FUBP1: variants seen among roughly 807,000 people sequenced by gnomAD.
The protein encoded by FUBP1 is far upstream element-binding protein 1.
A neutral mutation model predicts 94.9 loss-of-function variants in FUBP1; 16 were observed. The ratio of observed to expected loss-of-function variants is 0.17; its 90% CI spans 0.11 to 0.26. FUBP1 has a LOEUF of 0.26. Among genes scored for constraint, FUBP1 ranks in the 10% least tolerant of loss-of-function variants. The pLI, the probability that FUBP1 is intolerant of heterozygous loss-of-function variation, is 1.00. For missense variants in FUBP1, 583 were observed against 808.6 expected (o/e 0.72, Z 3.38); for synonymous variants, 279 against 254.9 (o/e 1.09, Z -0.90).
At chr1:77,978,830 G>T in intron 1 of FUBP1, 55 bp downstream of exon 1, 1 of 1,608,102 alleles carries the variant, frequency 6.2e-7, no homozygotes. Flanking sequence ...GGCCTACTCA[G>T]TCAGCGGCCA....
chr1:77,969,009 T>TA, intron 2 of FUBP1: 1 of 1,129,086 alleles, frequency 8.9e-7, no homozygotes, highest in Non-Finnish European at 1.2e-6. Flanking sequence ...AGGTAATAAA[T>TA]AAAAATTCCT....
In FUBP1 at chr1:77,966,970, AAAAATTTTTTTTTTGGTT is replaced by A. The variant is rs1275566897; in HGVS notation, c.344-33_344-16del. 1 of 1,592,636 alleles carries A rather than the reference AAAAATTTTTTTTTTGGTT, an allele frequency of 6.3e-7. No homozygotes were observed. Among genetic ancestry groups the A allele is most frequent in the South Asian group, 1.1e-5 (1 of 88,738 alleles). On this transcript the variant is annotated splice_polypyrimidine_tract_variant and intron_variant, in intron 5 of 19. Coordinates refer to ENST00000370768, the MANE Select transcript of FUBP1 (RefSeq NM_003902.5). ...TCTGCCAATTACTAGTTAGAAAAAA[AAAAATTTTTTTTTTGGTT>A]GAAAGATTCTAAAGTATGTTTTGAT...
At chr1:77,966,563 G>A (rs1403490464) in intron 7 of FUBP1, 131 bp downstream of exon 7, 13 of 640,358 alleles carry the variant, frequency 2.0e-5, no homozygotes, top group Non-Finnish European at 3.7e-5. Context: ...CTTCAAAGGA[G>A]TTGGAGGACT....
In FUBP1 at chr1:77,946,773, C is replaced by G; in HGVS notation, c.*1993G>C. 4.8e-6 allele frequency: 1 copy of G among 206,766 alleles called. No homozygotes were observed. The highest frequency in any genetic ancestry group is 7.4e-5 in the East Asian group (1 of 13,552). 12.8% of individuals were successfully genotyped at this position (206,766 alleles called of 1,614,324 possible). ...TATCATGCAAAATACTGCAATTGTT[C>G]ACGTCAATACCCTACTCTTAAAGAT... is the stretch of plus-strand genomic sequence containing the variant. On this transcript the variant is annotated 3_prime_UTR_variant, in exon 20 of 20. Transcript: ENST00000370768.
At chr1:77,969,762 C>G (rs1008656589) in intron 2 of FUBP1, among the ~76,000 whole-genome samples, 163 bp downstream of exon 2, 1 of 151,300 alleles carries the variant, frequency 6.6e-6, no homozygotes, top group Non-Finnish European at 1.5e-5. Context: ...TTTTACTTAC[C>G]TTGTCTAGTT....
Position 77,949,240 on chromosome 1 carries a change from G to A in FUBP1, c.1841C>T (p.Ala614Val). The change falls in exon 19 of 20, where the codon GCC becomes GTC. Residue 614 changes from alanine to valine, a missense_variant. Physicochemically the swap from Ala to Val is moderately conservative, Grantham distance 64 (BLOSUM62 0). Transcript: ENST00000370768. ...PPGGQPDYSA[A>V]WAEYYRQQAA... ...TTGTTGTCTATAATACTCAGCCCAG[G>A]CTGCACTATAATCTGGCTGACCACC... is the stretch of plus-strand genomic sequence containing the variant. 1 of 1,613,160 alleles carries A rather than the reference G, an allele frequency of 6.2e-7. No individual in the cohort carries two copies. Among genetic ancestry groups the A allele is most frequent in the Non-Finnish European group, 8.5e-7 (1 of 1,179,182 alleles).
At chr1:77,957,008 T>G (rs1487685826) in intron 16 of FUBP1, among the ~76,000 whole-genome samples, 1 of 152,180 alleles carries the variant, frequency 6.6e-6, no homozygotes, top group Non-Finnish European at 1.5e-5. Context: ...AACCATCCTG[T>G]GCCCTTGTTT....
In FUBP1 at chr1:77,977,343, A is replaced by AAAAC. The variant is rs753943335; in HGVS notation, c.120+1538_120+1541dup. ...GCATGGTGAAACCCTGTCTCTACTG[A>AAAAC]AAACAAACAAACAAACAAAAAAAAC... On this transcript the variant is annotated intron_variant, in intron 1 of 19. Transcript: ENST00000370768. Among the ~76,000 whole-genome samples, 15 of 152,034 alleles carry AAAAC rather than the reference A, an allele frequency of 9.9e-5. No homozygotes were observed. In the East Asian group the frequency reaches 1.5e-3, roughly 16 times the overall value.
Position 77,948,255 on chromosome 1 carries a change from T to C in FUBP1, c.*511A>G. The C allele has an allele frequency of 1.9e-6, 2 of 1,055,866 alleles. No individual in the cohort carries two copies. Among genetic ancestry groups the C allele is most frequent in the Non-Finnish European group, 2.3e-6 (2 of 873,042 alleles). 65.4% of individuals were successfully genotyped at this position (1,055,866 alleles called of 1,614,324 possible). ...TGGAAAAGATCCTCCAATCTACCAC[T>C]ATACTGCAAGGGGGGAAAAACATGC... is the stretch of plus-strand genomic sequence containing the variant. On this transcript the variant is annotated 3_prime_UTR_variant, in exon 20 of 20. Transcript: ENST00000370768.
intron 1 of FUBP1, among the ~76,000 whole-genome samples, chr1:77,974,455 A>T (rs1251891258): frequency 2.0e-5 from 3 of 151,914 alleles, no homozygotes; most frequent in African/African-American, 7.3e-5. Context: ...TTTTTATAGA[A>T]ACAGGGTTTC....
rs1387660312 is a variant in FUBP1 at position 77,947,841 on chromosome 1, T to C, written c.*925A>G. On this transcript the variant is annotated 3_prime_UTR_variant, in exon 20 of 20. Transcript: ENST00000370768. ...ATTTATGTTTCAATGGCAGATGCAATGTAGCTATACTTTTTGCACACTATT... is the reference window on the plus strand; with the variant it reads ...ATTTATGTTTCAATGGCAGATGCAACGTAGCTATACTTTTTGCACACTATT... The C allele has an allele frequency of 8.8e-7, 1 of 1,136,110 alleles. No homozygotes were observed. Among genetic ancestry groups the C allele is most frequent in the Non-Finnish European group, 1.1e-6 (1 of 905,894 alleles). 70.4% of individuals were successfully genotyped at this position (1,136,110 alleles called of 1,614,324 possible). A position where few individuals can be genotyped will look rare whatever the true frequency, so the allele number is the denominator to read the frequency against.
chr1:77,955,427 G>A, intron 17 of FUBP1, 98 bp from the exon 18 acceptor site: 2 of 703,540 alleles, frequency 2.8e-6, no homozygotes, highest in Non-Finnish European at 5.2e-6. Flanking sequence ...GGCCTGCAAT[G>A]TGACAGTGAG....
At chr1:77,974,067 C>T (rs1398799903) in intron 1 of FUBP1, among the ~76,000 whole-genome samples, 1 of 151,942 alleles carries the variant, frequency 6.6e-6, no homozygotes, top group Non-Finnish European at 1.5e-5. Context: ...TCAAGCAATC[C>T]TCCCACCTCA....
At position 77,948,331 on chromosome 1, in the gene FUBP1, T is replaced by C. The variant is rs1299124860; in HGVS notation, c.*435A>G. ...TGGGGAAAGCTTATATATTTGTGTA[T>C]ATGTATCTTAATTTATCATTGCTAA... On this transcript the variant is annotated 3_prime_UTR_variant, in exon 20 of 20. Transcript: ENST00000370768. 8.6e-6 allele frequency: 9 copies of C among 1,050,752 alleles called. No individual in the cohort carries two copies. The highest frequency in any genetic ancestry group is 5.3e-5 in the Admixed American group (1 of 18,884). 65.1% of individuals were successfully genotyped at this position (1,050,752 alleles called of 1,614,324 possible). A position where few individuals can be genotyped will look rare whatever the true frequency, so the allele number is the denominator to read the frequency against.
chr1:77,969,345 A>G (rs1207185703), intron 2 of FUBP1, among the ~76,000 whole-genome samples: 2 of 152,146 alleles, frequency 1.3e-5, no homozygotes, highest in African/African-American at 4.8e-5. Flanking sequence ...CTAAGTTCAG[A>G]AGCTTCAACG....
chr1:77,970,054 T>C (rs1446609792), intron 1 of FUBP1, 39 bp from the exon 2 acceptor site: 5 of 1,041,708 alleles, frequency 4.8e-6, no homozygotes, highest in Non-Finnish European at 5.7e-6. Context: ...TAAACTATTA[T>C]ATACTATTCA....
Position 77,947,580 on chromosome 1 carries a change from G to T in FUBP1, c.*1186C>A. On this transcript the variant is annotated 3_prime_UTR_variant, in exon 20 of 20. Coordinates refer to ENST00000370768, the MANE Select transcript of FUBP1 (RefSeq NM_003902.5). ...TCAACAGACAATGGCAAGACAGACT[G>T]TATTTGCATGTAGTCTAATATATTA... The T allele has an allele frequency of 7.7e-7, 1 of 1,307,068 alleles. No individual in the cohort carries two copies. Among genetic ancestry groups the T allele is most frequent in the Non-Finnish European group, 1.0e-6 (1 of 985,546 alleles). 81.0% of individuals were successfully genotyped at this position (1,307,068 alleles called of 1,614,324 possible).
intron 2 of FUBP1, 106 bp downstream of exon 2, chr1:77,969,819 C>G (rs990973173): frequency 2.0e-6 from 1 of 502,592 alleles, no homozygotes; most frequent in African/African-American, 2.0e-5. Context: ...ATTTTAACAA[C>G]CTTATAATAA....
intron 1 of FUBP1, among the ~76,000 whole-genome samples, chr1:77,975,893 T>C (rs1014972325): frequency 9.9e-5 from 15 of 151,286 alleles, no homozygotes; most frequent in African/African-American, 3.4e-4. Flanking sequence ...AAAAAGAAGA[T>C]TGGCAACTAA....
Sources: gnomAD v4.1 joint callset for allele counts (sites outside exome capture counted in the v4.1 genomes callset) on GRCh38, gnomAD v4.1.1 for gene constraint, MANE v1.5 for transcripts, NCBI Gene and HGNC (gene_info 2026-07-23, HGNC 2026-07-21) for gene names.